The following MIPOL1 variants were observed in gnomAD, a reference collection of about 807,000 sequenced individuals.
The protein encoded by MIPOL1 is mirror-image polydactyly 1, also known as mirror-image polydactyly gene 1 protein.
Under a neutral mutation model 60.9 loss-of-function variants are expected in MIPOL1, and 57 were observed. The ratio of observed to expected loss-of-function variants is 0.94; its 90% CI spans 0.76 to 1.17. MIPOL1 has a LOEUF of 1.17. MIPOL1 is among the 50% of genes most tolerant of loss of function. MIPOL1 has a pLI of 0.00. For synonymous variants in MIPOL1, 179 were observed against 168.8 expected (o/e 1.06, Z -0.47); for missense variants, 551 against 511.6 (o/e 1.08, Z -0.74).
intron 9 of MIPOL1, among the ~76,000 whole-genome samples, chr14:37,360,562 A>G (rs991464213): frequency 1.3e-5 from 2 of 152,222 alleles, no homozygotes; most frequent in Admixed American, 1.3e-4. Context: ...GTACGTGTCC[A>G]GGAATTCATC....
At chr14:37,509,020 G>A (rs1046087364) in intron 12 of MIPOL1, among the ~76,000 whole-genome samples, 5 of 151,288 alleles carry the variant, frequency 3.3e-5, no homozygotes, top group Admixed American at 2.6e-4. Context: ...CATTTCTTTC[G>A]GGGATTACAT....
intron 3 of MIPOL1, among the ~76,000 whole-genome samples, chr14:37,250,461 C>T (rs904429602): frequency 2.0e-5 from 3 of 152,114 alleles, no homozygotes; most frequent in African/African-American, 7.2e-5. Context: ...GCAGGAGAAT[C>T]ACTTGAACTC....
intron 1 of MIPOL1, among the ~76,000 whole-genome samples, chr14:37,207,433 G>A (rs967390293): frequency 3.3e-5 from 5 of 152,102 alleles, no homozygotes; most frequent in Non-Finnish European, 7.4e-5. Context: ...TCAGCAGTGT[G>A]AAAACAGACT....
At chr14:37,316,392 G>A (rs180977481) in intron 9 of MIPOL1, among the ~76,000 whole-genome samples, 1 of 152,126 alleles carries the variant, frequency 6.6e-6, no homozygotes, top group African/African-American at 2.4e-5. Flanking sequence ...TTCAAGCAAA[G>A]TGAAGATAGA....
chr14:37,381,081 T>G (rs117279737), intron 10 of MIPOL1, among the ~76,000 whole-genome samples: 1 of 152,184 alleles, frequency 6.6e-6, no homozygotes, highest in Non-Finnish European at 1.5e-5. Context: ...GGAGAGGAAT[T>G]TGGGTGGTAG....
intron 9 of MIPOL1, among the ~76,000 whole-genome samples, chr14:37,350,147 C>T (rs577477986): frequency 6.6e-6 from 1 of 152,336 alleles, no homozygotes; most frequent in South Asian, 2.1e-4. Flanking sequence ...GCATAACTCA[C>T]TGTAGCCTTA....
At position 37,413,962 on chromosome 14, in the gene MIPOL1, T is replaced by A. The variant is rs112945816; in HGVS notation, c.937-8893T>A. On this transcript the variant is annotated intron_variant, in intron 10 of 12. Coordinates refer to ENST00000684589, the MANE Select transcript of MIPOL1 (RefSeq NM_001388067.1). ...ACAAAATGTAAATATTTACAATTAGTGAGATAAAGGAAGACCATAAATAGC... is the reference window on the plus strand; with the variant it reads ...ACAAAATGTAAATATTTACAATTAGAGAGATAAAGGAAGACCATAAATAGC... 4.2e-3 allele frequency among the ~76,000 whole-genome samples: 640 copies of A among 152,286 alleles called. 5 individuals are homozygous for A. The highest frequency in any genetic ancestry group is 0.031 in the Middle Eastern group (9 of 294).
intron 7 of MIPOL1, among the ~76,000 whole-genome samples, chr14:37,303,910 G>A (rs944643595): frequency 6.6e-6 from 1 of 151,730 alleles, no homozygotes; most frequent in African/African-American, 2.4e-5. Flanking sequence ...AGTTCAGGTA[G>A]GGGGAAGAGT....
At chr14:37,362,185 A>T (rs1237230195) in intron 9 of MIPOL1, among the ~76,000 whole-genome samples, 3 of 152,282 alleles carry the variant, frequency 2.0e-5, no homozygotes, top group Admixed American at 2.0e-4. Context: ...CCGTTAATTG[A>T]TGCAGTTTCT....
chr14:37,293,916 C>T (rs1290301867), intron 7 of MIPOL1, among the ~76,000 whole-genome samples: 3 of 152,204 alleles, frequency 2.0e-5, no homozygotes, highest in African/African-American at 7.2e-5. Context: ...CAGCAATAAC[C>T]TCTGCAGACT....
intron 11 of MIPOL1, among the ~76,000 whole-genome samples, chr14:37,467,684 A>G (rs2094617376): frequency 6.6e-6 from 1 of 152,180 alleles, no homozygotes; most frequent in Non-Finnish European, 1.5e-5. Flanking sequence ...CTTAAGAAAC[A>G]TTAATTAACT....
intron 1 of MIPOL1, among the ~76,000 whole-genome samples, chr14:37,213,756 G>T (rs778342809): frequency 2.0e-5 from 3 of 152,156 alleles, no homozygotes; most frequent in African/African-American, 7.2e-5. Flanking sequence ...ACCCAAAGAA[G>T]ACTATTTCAA....
chr14:37,213,445 C>G lies in MIPOL1; in HGVS notation c.-199+15341C>G, dbSNP rs191099512. 8.5e-5 allele frequency among the ~76,000 whole-genome samples: 13 copies of G among 152,092 alleles called. No individual in the cohort carries two copies. In the East Asian group the frequency reaches 1.4e-3, roughly 16 times the overall value. On this transcript the variant is annotated intron_variant, in intron 1 of 12. Transcript: ENST00000684589. The stretch of plus-strand genomic sequence containing the variant: ...GACATACTGAAGAATGCATCTAAGT[C>G]GTTTAATAGCAGAAGTTGTCAAGTA...
chr14:37,223,669 A>AT (rs1969219844), intron 1 of MIPOL1, among the ~76,000 whole-genome samples: 1 of 151,448 alleles, frequency 6.6e-6, no homozygotes, highest in Non-Finnish European at 1.5e-5. Flanking sequence ...CGCCCGGCTA[A>AT]TTTTTTGTAT....
chr14:37,366,406 C>G (rs2153492001), intron 9 of MIPOL1, among the ~76,000 whole-genome samples: 1 of 151,938 alleles, frequency 6.6e-6, no homozygotes, highest in South Asian at 2.1e-4. Context: ...CTTCATCGAC[C>G]CCCTGGTCAT....
intron 12 of MIPOL1, among the ~76,000 whole-genome samples, chr14:37,524,667 A>C (rs924786440): frequency 3.4e-5 from 5 of 146,404 alleles, no homozygotes; most frequent in Non-Finnish European, 7.4e-5. Flanking sequence ...TCCCAGGTTC[A>C]AGCAATTCTC....
chr14:37,356,192 G>A (rs923192241), intron 9 of MIPOL1, among the ~76,000 whole-genome samples: 2 of 151,978 alleles, frequency 1.3e-5, no homozygotes, highest in African/African-American at 4.8e-5. Context: ...TGTCCCTGCT[G>A]GGGTGTGCCT....
At chr14:37,525,255 A>G (rs2095439892) in intron 12 of MIPOL1, among the ~76,000 whole-genome samples, 1 of 152,226 alleles carries the variant, frequency 6.6e-6, no homozygotes, top group African/African-American at 2.4e-5. Flanking sequence ...ACAGTCTAGC[A>G]AGGGATACTG....
At chr14:37,309,842 A>G (rs964541975) in intron 9 of MIPOL1, among the ~76,000 whole-genome samples, 5 of 151,870 alleles carry the variant, frequency 3.3e-5, no homozygotes, top group Non-Finnish European at 7.4e-5. Context: ...GTGCGCCACC[A>G]AGCCCAGCTA....
Sources: gnomAD v4.1 joint callset for allele counts (sites outside exome capture counted in the v4.1 genomes callset) on GRCh38, gnomAD v4.1.1 for gene constraint, MANE v1.5 for transcripts, NCBI Gene and HGNC (gene_info 2026-07-23, HGNC 2026-07-21) for gene names.